Variants in FOXO3 observed in about 807,000 individuals in gnomAD.
FOXO3 encodes the protein forkhead box protein O3.
Under a neutral mutation model 41.9 loss-of-function variants are expected in FOXO3, and 4 were observed. The ratio of observed to expected loss-of-function variants is 0.10; its 90% CI spans 0.05 to 0.22. FOXO3 has a LOEUF of 0.22. Ranked by LOEUF, FOXO3 falls within the 10% of genes least tolerant of loss-of-function variation. The pLI, the probability that FOXO3 is intolerant of heterozygous loss-of-function variation, is 1.00. For missense variants in FOXO3, 534 were observed against 906.8 expected (o/e 0.59, Z 5.28); for synonymous variants, 318 against 389.3 (o/e 0.82, Z 2.16).
In FOXO3 at chr6:108,655,905, C is replaced by T. The variant is rs867313948; in HGVS notation, c.622-7550C>T. 2.0e-5 allele frequency among the ~76,000 whole-genome samples: 3 copies of T among 152,210 alleles called. No individual in the cohort carries two copies. The South Asian group carries it at 6.2e-4, about 32-fold the overall frequency. On this transcript the variant is annotated intron_variant, in intron 1 of 2. Coordinates refer to ENST00000406360, the MANE Select transcript of FOXO3 (RefSeq NM_001455.4). ...GCAACCTCATTCTGAATTGTCAGTACCCACAAGTCAAGCAGTGAGACCCAC... is the reference window on the plus strand; with the variant it reads ...GCAACCTCATTCTGAATTGTCAGTATCCACAAGTCAAGCAGTGAGACCCAC...
intron 1 of FOXO3, among the ~76,000 whole-genome samples, chr6:108,580,546 G>A (rs1232623273): frequency 6.6e-6 from 1 of 152,214 alleles, no homozygotes; most frequent in Non-Finnish European, 1.5e-5. Context: ...TGACTTGGCT[G>A]AGGCCACATA....
chr6:108,579,984 T>C (rs776611191), intron 1 of FOXO3, among the ~76,000 whole-genome samples: 3 of 152,062 alleles, frequency 2.0e-5, no homozygotes, highest in Non-Finnish European at 2.9e-5. Flanking sequence ...GTTTGAAAAC[T>C]CTTAATTCCT....
At position 108,680,200 on chromosome 6, in the gene FOXO3, T is replaced by C. The variant is rs1358140530; in HGVS notation, c.*408T>C. On this transcript the variant is annotated 3_prime_UTR_variant, in exon 3 of 3. Transcript: ENST00000406360. ...TCTTGTGTTTGTTTTCCTTTGACTT[T>C]CTGAGTTTTTCACATGCATTAACTT... The C allele has an allele frequency of 1.3e-5, 2 of 152,636 alleles. No individual in the cohort carries two copies. Among genetic ancestry groups the C allele is most frequent in the African/African-American group, 2.4e-5 (1 of 41,434 alleles). 9.5% of individuals were successfully genotyped at this position (152,636 alleles called of 1,614,324 possible). A position where few individuals can be genotyped will look rare whatever the true frequency, so the allele number is the denominator to read the frequency against.
At chr6:108,581,668 T>A (rs376761361) in intron 1 of FOXO3, among the ~76,000 whole-genome samples, 8 of 149,848 alleles carry the variant, frequency 5.3e-5, no homozygotes, top group African/African-American at 2.0e-4. Flanking sequence ...TGGAGTAGTT[T>A]AAAAAAAAAA....
intron 1 of FOXO3, among the ~76,000 whole-genome samples, chr6:108,585,769 C>G (rs1433384134): frequency 6.6e-6 from 1 of 152,200 alleles, no homozygotes; most frequent in African/African-American, 2.4e-5. Flanking sequence ...CTGTAACCTT[C>G]TAGATTTTAG....
intron 1 of FOXO3, among the ~76,000 whole-genome samples, chr6:108,660,528 T>C (rs1340304744): frequency 6.6e-6 from 1 of 152,252 alleles, no homozygotes; most frequent in Non-Finnish European, 1.5e-5. Context: ...CATAGTATTT[T>C]GGATTATTTA....
At chr6:108,648,334 C>T (rs527466490) in intron 1 of FOXO3, among the ~76,000 whole-genome samples, 1 of 152,282 alleles carries the variant, frequency 6.6e-6, no homozygotes, top group African/African-American at 2.4e-5. Flanking sequence ...AAACCTGCTG[C>T]TCACTTAGCT....
chr6:108,564,282 A>T (rs1057079519), intron 1 of FOXO3, among the ~76,000 whole-genome samples: 1 of 152,256 alleles, frequency 6.6e-6, no homozygotes, highest in African/African-American at 2.4e-5. Context: ...TATGACTAAT[A>T]GGCAACCTTT....
chr6:108,562,283 G>A (rs1775825653), intron 1 of FOXO3, among the ~76,000 whole-genome samples: 1 of 152,050 alleles, frequency 6.6e-6, no homozygotes, highest in Admixed American at 6.5e-5. Context: ...CCAGTCTGTC[G>A]CAGGAGCATG....
chr6:108,630,713 C>T (rs539154113), intron 1 of FOXO3, among the ~76,000 whole-genome samples: 1 of 152,078 alleles, frequency 6.6e-6, no homozygotes, highest in Non-Finnish European at 1.5e-5. Flanking sequence ...ATAAGTCTTA[C>T]CACTTCTCTC....
At chr6:108,607,126 G>T (rs1404162776) in intron 1 of FOXO3, among the ~76,000 whole-genome samples, 1 of 152,106 alleles carries the variant, frequency 6.6e-6, no homozygotes, top group African/African-American at 2.4e-5. Context: ...GGAGATGAAA[G>T]AATTTTTATC....
intron 1 of FOXO3, among the ~76,000 whole-genome samples, chr6:108,624,951 G>A (rs1464559424): frequency 6.6e-6 from 1 of 151,988 alleles, no homozygotes; most frequent in African/African-American, 2.4e-5. Flanking sequence ...GTTTTGTTTT[G>A]TTTTGTTTTT....
rs1386577136 is a variant in FOXO3 at position 108,663,444 on chromosome 6, T to C, written c.622-11T>C. ...CTGGTTCATACTCTGTATTTTCTTT[T>C]CTCCCTGCAGAACTCCATCCGGCAC... On this transcript the variant is annotated splice_polypyrimidine_tract_variant and intron_variant, in intron 1 of 2. Coordinates refer to ENST00000406360, the MANE Select transcript of FOXO3 (RefSeq NM_001455.4). 7 of 1,590,808 alleles carry C rather than the reference T, an allele frequency of 4.4e-6. 1 individual carries two copies. The Middle Eastern group carries it at 6.8e-4, about 155-fold the overall frequency.
chr6:108,652,170 G>A (rs191763103), intron 1 of FOXO3, among the ~76,000 whole-genome samples: 4 of 152,216 alleles, frequency 2.6e-5, no homozygotes, highest in Admixed American at 6.5e-5. Context: ...GCCTCCAGAC[G>A]TGCCACCAAG....
intron 1 of FOXO3, among the ~76,000 whole-genome samples, chr6:108,595,281 G>C (rs1776847505): frequency 6.6e-6 from 1 of 152,190 alleles, no homozygotes; most frequent in African/African-American, 2.4e-5. Flanking sequence ...GAAATACTGG[G>C]AAGTACTTCT....
chr6:108,588,102 T>G (rs551124698), intron 1 of FOXO3, among the ~76,000 whole-genome samples: 1 of 152,364 alleles, frequency 6.6e-6, no homozygotes, highest in East Asian at 1.9e-4. Flanking sequence ...AGCTCTAAGT[T>G]CTGTGATAAT....
intron 1 of FOXO3, among the ~76,000 whole-genome samples, chr6:108,601,661 C>A (rs533586511): frequency 1.3e-5 from 2 of 152,186 alleles, no homozygotes; most frequent in African/African-American, 4.8e-5. Context: ...CTAACTTGAC[C>A]CCTGGCAACC....
intron 1 of FOXO3, among the ~76,000 whole-genome samples, chr6:108,595,565 C>T (rs915708248): frequency 1.3e-5 from 2 of 151,224 alleles, no homozygotes; most frequent in Middle Eastern, 3.2e-3. Flanking sequence ...ATTTTATGTT[C>T]TCTCTCATAG....
At chr6:108,620,819 T>C (rs1285495458) in intron 1 of FOXO3, among the ~76,000 whole-genome samples, 1 of 152,230 alleles carries the variant, frequency 6.6e-6, no homozygotes, top group East Asian at 1.9e-4. Flanking sequence ...ATAAAAGTTT[T>C]ATTTGATACA....
Sources: gnomAD v4.1 joint callset for allele counts (sites outside exome capture counted in the v4.1 genomes callset) on GRCh38, gnomAD v4.1.1 for gene constraint, MANE v1.5 for transcripts, NCBI Gene and HGNC (gene_info 2026-07-23, HGNC 2026-07-21) for gene names.